RNF125: variants seen among roughly 807,000 people sequenced by gnomAD.
RNF125 encodes the protein ring finger protein 125, also known as E3 ubiquitin-protein ligase RNF125.
A neutral mutation model predicts 26.0 loss-of-function variants in RNF125; 21 were observed. That is an observed-to-expected ratio of 0.81 (90% CI 0.57 to 1.16). The LOEUF is 1.16. RNF125 is among the 50% of genes most tolerant of loss of function. The pLI is 0.00. For synonymous variants in RNF125, 95 were observed against 109.2 expected (o/e 0.87, Z 0.81); for missense variants, 270 against 299.4 (o/e 0.90, Z 0.72).
At chr18:32,046,238 G>C (rs1345414713) in intron 4 of RNF125, among the ~76,000 whole-genome samples, 1 of 117,928 alleles carries the variant, frequency 8.5e-6, no homozygotes. Context: ...AAAAAAAAAA[G>C]AGAAAGAGAG....
intron 1 of RNF125, among the ~76,000 whole-genome samples, chr18:32,036,600 GGGAGGGAGGGAA>G (rs1190650374): frequency 4.6e-4 from 63 of 138,086 alleles, no homozygotes; most frequent in African/African-American, 1.7e-3. Flanking sequence ...GAAGGAAGAA[GGGAGGGAGGGAA>G]GGAGGGAGGG....
chr18:32,080,734 A>G, the RNF125 span, among the ~76,000 whole-genome samples: 689 of 152,288 alleles, frequency 4.5e-3, 1 homozygote, highest in Non-Finnish European at 7.6e-3. Context: ...CTAAAAATAC[A>G]AAAAATTAGC....
Position 32,042,219 on chromosome 18 carries a change from A to C in RNF125, c.359A>C (p.Gln120Pro). ...SEMRAHIRTC[Q>P]KYIDKYGPLQ... ...ATGAGGGCACATATTCGGACTTGTCAGAAGTACATAGATAAGTATGGACCA... is the reference window on the plus strand; with the variant it reads ...ATGAGGGCACATATTCGGACTTGTCCGAAGTACATAGATAAGTATGGACCA... The change falls in exon 3 of 6, where the codon CAG becomes CCG. Residue 120 changes from glutamine to proline, a missense_variant. By Grantham distance (76) the Gln-to-Pro change is moderately conservative (BLOSUM62 -1). Transcript: ENST00000217740. The C allele has an allele frequency of 6.2e-7, 1 of 1,613,818 alleles. No individual in the cohort carries two copies. The highest frequency in any genetic ancestry group is 8.5e-7 in the Non-Finnish European group (1 of 1,179,830).
At chr18:32,050,576 C>T (rs1037098537) in intron 4 of RNF125, among the ~76,000 whole-genome samples, 8 of 151,776 alleles carry the variant, frequency 5.3e-5, no homozygotes, top group African/African-American at 1.7e-4. Context: ...TGGCTTCGAG[C>T]TATCCTCCCA....
chr18:32,057,242 T>C (rs891057566), intron 4 of RNF125, among the ~76,000 whole-genome samples: 2 of 152,130 alleles, frequency 1.3e-5, no homozygotes, highest in African/African-American at 4.8e-5. Context: ...GATAATTGAA[T>C]GTTATCCATA....
intron 4 of RNF125, among the ~76,000 whole-genome samples, chr18:32,050,853 C>CT (rs200925964): frequency 0.098 from 11,837 of 121,264 alleles, 1,845 homozygotes; most frequent in African/African-American, 0.33. Context: ...GCTAGTCTCT[C>CT]GGTCTAGAGT....
chr18:32,083,091 A>C, the RNF125 span, among the ~76,000 whole-genome samples: 2 of 152,216 alleles, frequency 1.3e-5, no homozygotes, highest in African/African-American at 4.8e-5. Context: ...CTGTCCAGCA[A>C]CAGATGGTAC....
rs1221184529 is a variant in RNF125, at chr18:32,019,581, C to T, written c.164+554C>T. Among the ~76,000 whole-genome samples, 3 of 152,310 alleles carry T rather than the reference C, an allele frequency of 2.0e-5. No homozygotes were observed. The East Asian group carries it at 5.8e-4, about 29-fold the overall frequency. ...GCAAACAAGGATCTGTGCAAAGTGT[C>T]TTTCCACCCCCACCCCTGCTACCCT... is the stretch of plus-strand genomic sequence containing the variant. On this transcript the variant is annotated intron_variant, in intron 1 of 5. Coordinates refer to ENST00000217740, the MANE Select transcript of RNF125 (RefSeq NM_017831.4).
chr18:32,069,060 A>G lies in RNF125; in HGVS notation c.*676A>G, dbSNP rs2144520964. On this transcript the variant is annotated 3_prime_UTR_variant, in exon 6 of 6. Coordinates refer to ENST00000217740, the MANE Select transcript of RNF125 (RefSeq NM_017831.4). The stretch of plus-strand genomic sequence containing the variant: ...TACTAAAAATACAAAAATTAGCTGG[A>G]CGTGTTGGCGGGCATCTGTAATACC... 6.6e-6 allele frequency: 1 copy of G among 152,104 alleles called. No individual in the cohort carries two copies. The highest frequency in any genetic ancestry group is 3.4e-3 in the Middle Eastern group (1 of 296). The allele number at this position is 152,104 out of a possible 1,614,324, so 9.4% of individuals were successfully genotyped here.
Position 32,035,489 on chromosome 18 carries a change from C to A in RNF125, c.165-1627C>A, listed in dbSNP as rs569063743. Among the ~76,000 whole-genome samples, 3 of 152,232 alleles carry A rather than the reference C, an allele frequency of 2.0e-5. No homozygotes were observed. The East Asian group carries it at 5.8e-4, about 29-fold the overall frequency. ...GCCCATCACTAAAGTTTATCATCAG[C>A]AAGTATTTAAATACTACCCAGATGT... is the stretch of plus-strand genomic sequence containing the variant. On this transcript the variant is annotated intron_variant, in intron 1 of 5. Coordinates refer to ENST00000217740, the MANE Select transcript of RNF125 (RefSeq NM_017831.4).
At chr18:32,030,605 A>G (rs1467693590) in intron 1 of RNF125, among the ~76,000 whole-genome samples, 1 of 152,206 alleles carries the variant, frequency 6.6e-6, no homozygotes, top group Non-Finnish European at 1.5e-5. Context: ...GCCCCCAACC[A>G]ACTGAATGGA....
chr18:32,080,697 C>T, the RNF125 span, among the ~76,000 whole-genome samples: 1 of 151,890 alleles, frequency 6.6e-6, no homozygotes, highest in East Asian at 1.9e-4. Context: ...GTCTTATACA[C>T]TTAAAAGTCA....
At chr18:32,085,383 G>C in the RNF125 span, among the ~76,000 whole-genome samples, 244 of 124,794 alleles carry the variant, frequency 2.0e-3, 3 homozygotes, top group African/African-American at 8.3e-3. Context: ...CAGAGAGAGA[G>C]AGAGAGAGAG....
intron 4 of RNF125, among the ~76,000 whole-genome samples, chr18:32,058,272 A>G (rs2039404616): frequency 6.6e-6 from 1 of 152,120 alleles, no homozygotes; most frequent in Admixed American, 6.6e-5. Context: ...GCAGTGTGTA[A>G]TAATCACATC....
chr18:32,076,124 G>T, downstream of RNF125: 1 of 613,110 alleles, frequency 1.6e-6, no homozygotes. Context: ...AATGATTTCA[G>T]ACTCGCCAAT....
chr18:32,041,926 G>A, intron 2 of RNF125: 1 of 374,892 alleles, frequency 2.7e-6, no homozygotes, highest in South Asian at 2.5e-5. Flanking sequence ...CACCGCGCCC[G>A]GCCGTATATG....
At chr18:32,034,888 G>A (rs1321338847) in intron 1 of RNF125, among the ~76,000 whole-genome samples, 2 of 104,490 alleles carry the variant, frequency 1.9e-5, no homozygotes, top group African/African-American at 7.6e-5. Flanking sequence ...GCAACAGAGC[G>A]AAACTCCATC....
downstream of RNF125, among the ~76,000 whole-genome samples, chr18:32,077,382 G>A (rs922190313): frequency 8.5e-6 from 1 of 117,580 alleles, no homozygotes; most frequent in Non-Finnish European, 1.6e-5. Context: ...CAACACTTAA[G>A]ACGGAGTCTT....
intron 1 of RNF125, among the ~76,000 whole-genome samples, chr18:32,035,704 TC>T (rs1183478122): frequency 6.6e-6 from 1 of 152,148 alleles, no homozygotes; most frequent in Non-Finnish European, 1.5e-5. Context: ...GCAAAACTGA[TC>T]TTTGTTATTA....
Sources: allele counts gnomAD v4.1 joint callset (sites outside exome capture counted in the v4.1 genomes callset), GRCh38; gene constraint gnomAD v4.1.1; transcripts MANE v1.5; gene names NCBI Gene and HGNC (gene_info 2026-07-23, HGNC 2026-07-21).